Variants in SORCS2 observed in about 807,000 individuals in gnomAD.
The protein encoded by SORCS2 is sortilin related VPS10 domain containing receptor 2.
In SORCS2, 100 loss-of-function variants were observed where a neutral mutation model predicts 141.6. The ratio of observed to expected loss-of-function variants is 0.71; its 90% CI spans 0.60 to 0.83. SORCS2 has a LOEUF of 0.83. Ranked by LOEUF, SORCS2 falls within the 40% of genes least tolerant of loss-of-function variation. The pLI is 0.00. For missense variants in SORCS2, 1,646 were observed against 1,560.2 expected (o/e 1.05, Z -0.93); for synonymous variants, 789 against 676.9 (o/e 1.17, Z -2.57).
intron 1 of SORCS2, among the ~76,000 whole-genome samples, chr4:7,276,572 G>A (rs1042787993): frequency 6.6e-6 from 1 of 152,082 alleles, no homozygotes; most frequent in Admixed American, 6.5e-5. Flanking sequence ...TGCCTCCCCC[G>A]CTCCAGGCCC....
At chr4:7,390,451 C>G (rs1723782294) in intron 1 of SORCS2, among the ~76,000 whole-genome samples, 1 of 152,210 alleles carries the variant, frequency 6.6e-6, no homozygotes, top group South Asian at 2.1e-4. Flanking sequence ...CCGAGTGCTC[C>G]TGAAGAGCAA....
chr4:7,725,158 C>T lies in SORCS2; in HGVS notation c.2616C>T (p.Pro872=). The change falls in exon 20 of 27, where the codon CCC becomes CCT. Residue 872 remains proline, a synonymous_variant. Transcript: ENST00000507866. ...EAVLFVQVNS[P]LQALYLEVVP... The stretch of plus-strand genomic sequence containing the variant: ...GGCCTTTTTGGGTCCCCACAGCCCC[C>T]CTGCAGGCCCTCTACCTGGAGGTGG... 1 of 1,613,004 alleles carries T rather than the reference C, an allele frequency of 6.2e-7. No individual in the cohort carries two copies. Among genetic ancestry groups the T allele is most frequent in the South Asian group, 1.1e-5 (1 of 91,038 alleles).
chr4:7,405,452 A>G (rs1387452313), intron 2 of SORCS2, among the ~76,000 whole-genome samples: 1 of 152,136 alleles, frequency 6.6e-6, no homozygotes, highest in Non-Finnish European at 1.5e-5. Context: ...ATGTATGGTC[A>G]TTTTAACAGT....
At position 7,192,748 on chromosome 4, in the gene SORCS2, GC is replaced by G; in HGVS notation, c.104del (p.Pro35ArgfsTer30). ...CGCCGCCGCGCTCGCCGCGCTCGCG[GC>G]CGCTCCTGCTGCTGCTGCTGCTGCT... The part of the protein sequence containing the change: ...PPPPRSPRSR[P>X]LLLLLLLLGA... On this transcript the variant is annotated frameshift_variant, in exon 1 of 27. Coordinates refer to ENST00000507866, the MANE Select transcript of SORCS2 (RefSeq NM_020777.3). LOFTEE classifies it high-confidence loss of function. This position sits in a 1 kb window ranked among gnomAD's most constrained non-coding sequence, Gnocchi z 4.0. 2 of 996,898 alleles carry G rather than the reference GC, an allele frequency of 2.0e-6. No individual in the cohort carries two copies. The highest frequency in any genetic ancestry group is 2.4e-6 in the Non-Finnish European group (2 of 839,558). 61.8% of individuals were successfully genotyped at this position (996,898 alleles called of 1,614,324 possible).
intron 3 of SORCS2, among the ~76,000 whole-genome samples, chr4:7,637,154 G>A (rs1720309667): frequency 6.6e-6 from 1 of 152,224 alleles, no homozygotes; most frequent in Admixed American, 6.5e-5. Context: ...TTCCAAGTAA[G>A]ATCACAGTCG....
At chr4:7,681,666 C>T (rs1452990762) in intron 9 of SORCS2, among the ~76,000 whole-genome samples, 1 of 152,194 alleles carries the variant, frequency 6.6e-6, no homozygotes, top group Non-Finnish European at 1.5e-5. Context: ...GCTCAGACCC[C>T]AGTCTGCTGG....
At chr4:7,701,538 G>A (rs739778) in intron 12 of SORCS2, among the ~76,000 whole-genome samples, 57,197 of 152,048 alleles carry the variant, frequency 0.38, 11,849 homozygotes, top group East Asian at 0.78. Flanking sequence ...CCCCTCCTTC[G>A]GGGCCCTGAG....
At chr4:7,381,941 T>G in intron 1 of SORCS2, 1 of 986,126 alleles carries the variant, frequency 1.0e-6, no homozygotes, top group African/African-American at 1.7e-5. Context: ...AGCTCTCCAT[T>G]CCACTAGCCT....
At chr4:7,679,280 A>T (rs1723363305) in intron 9 of SORCS2, among the ~76,000 whole-genome samples, 1 of 152,156 alleles carries the variant, frequency 6.6e-6, no homozygotes, top group Non-Finnish European at 1.5e-5. Context: ...ATGAATGGGG[A>T]CTTAGGGGAC....
At chr4:7,474,491 C>T (rs763249070) in intron 2 of SORCS2, among the ~76,000 whole-genome samples, 12 of 152,174 alleles carry the variant, frequency 7.9e-5, no homozygotes, top group African/African-American at 4.8e-5. Context: ...GGCTGATGTC[C>T]GCAGCACGGT....
At chr4:7,255,991 C>T (rs1355394239) in intron 1 of SORCS2, among the ~76,000 whole-genome samples, 1 of 150,824 alleles carries the variant, frequency 6.6e-6, no homozygotes, top group Non-Finnish European at 1.5e-5. Context: ...GGGATTGGTG[C>T]ATGGGGACCC....
At chr4:7,207,066 T>C (rs1532663) in intron 1 of SORCS2, among the ~76,000 whole-genome samples, 60,989 of 151,900 alleles carry the variant, frequency 0.4, 12,850 homozygotes, top group African/African-American at 0.54. Flanking sequence ...ACTGCTAACG[T>C]GCTCATCCAT....
At chr4:7,711,775 T>C (rs1725838667) in intron 14 of SORCS2, among the ~76,000 whole-genome samples, 2 of 152,196 alleles carry the variant, frequency 1.3e-5, no homozygotes, top group African/African-American at 4.8e-5. Flanking sequence ...CGGCTTTCCA[T>C]TCTGTAAAAC....
rs562871650 is a variant in SORCS2, at chr4:7,723,096, C to G, written c.2425-601C>G. 3.3e-5 allele frequency among the ~76,000 whole-genome samples: 5 copies of G among 152,296 alleles called. No homozygotes were observed. The East Asian group carries it at 9.7e-4, about 29-fold the overall frequency. On this transcript the variant is annotated intron_variant, in intron 18 of 26. Transcript: ENST00000507866. ...GTGGAAGGAGATGGTGGAGCGGCCT[C>G]TCTGGGTGACTCGGTGCCACGCGGG...
chr4:7,499,937 G>A (rs777751197), intron 2 of SORCS2, among the ~76,000 whole-genome samples: 10 of 152,260 alleles, frequency 6.6e-5, no homozygotes, highest in Non-Finnish European at 8.8e-5. Context: ...GGAGGCAGGC[G>A]GCTGGGGAGC....
At chr4:7,246,291 C>T (rs1713080858) in intron 1 of SORCS2, among the ~76,000 whole-genome samples, 1 of 152,230 alleles carries the variant, frequency 6.6e-6, no homozygotes, top group Admixed American at 6.5e-5. Context: ...CACCTGTGCC[C>T]TTTGGCACTC....
At chr4:7,695,608 A>G (rs796980248) in intron 11 of SORCS2, among the ~76,000 whole-genome samples, 3 of 38,346 alleles carry the variant, frequency 7.8e-5, no homozygotes, top group Non-Finnish European at 1.5e-4. Flanking sequence ...GGGTGGATGG[A>G]TGGATGGATG....
chr4:7,527,694 C>G lies in SORCS2; in HGVS notation c.549-3836C>G, dbSNP rs143266904. Among the ~76,000 whole-genome samples, 559 of 143,904 alleles carry G rather than the reference C, an allele frequency of 3.9e-3. 1 individual carries two copies. The highest frequency in any genetic ancestry group is 5.6e-3 in the Admixed American group (84 of 14,988). 94.4% of individuals were successfully genotyped at this position (143,904 alleles called of 152,430 possible). On this transcript the variant is annotated intron_variant, in intron 2 of 26. Transcript: ENST00000507866. ...GCCATGGGAATCTCACAGGCCCCCC[C>G]ACCAGGTGAAGTCAGCCTGCCAGTG...
intron 14 of SORCS2, among the ~76,000 whole-genome samples, chr4:7,710,253 A>G (rs1015640629): frequency 1.3e-5 from 2 of 152,086 alleles, no homozygotes; most frequent in Admixed American, 6.5e-5. Context: ...CCGGGTTCCA[A>G]CGCCGCCCCT....
Sources: allele counts gnomAD v4.1 joint callset (sites outside exome capture counted in the v4.1 genomes callset), GRCh38; gene constraint gnomAD v4.1.1; non-coding constraint Gnocchi (gnomAD v3.1); transcripts MANE v1.5; gene names NCBI Gene and HGNC (gene_info 2026-07-23, HGNC 2026-07-21).